The following TMEM164 variants were observed in gnomAD, a reference collection of about 807,000 sequenced individuals.
The protein encoded by TMEM164 is transmembrane protein 164, also known as RP13-360B22.2.
Under a neutral mutation model 18.8 loss-of-function variants are expected in TMEM164, and 4 were observed. The observed-to-expected ratio is 0.21, with a 90% CI of 0.10 to 0.49. The LOEUF is 0.49. Among genes scored for constraint, TMEM164 ranks in the 20% least tolerant of loss-of-function variants. TMEM164 has a pLI of 0.98. For synonymous variants in TMEM164, 86 were observed against 101.7 expected (o/e 0.85, Z 0.93); for missense variants, 108 against 239.9 (o/e 0.45, Z 3.63).
At chrX:110,044,151 G>C (rs1241446763) in intron 2 of TMEM164, among the ~76,000 whole-genome samples, 1 of 112,392 alleles carries the variant, frequency 8.9e-6, no homozygotes, top group Non-Finnish European at 1.9e-5. Flanking sequence ...GAAAATCCAT[G>C]AGCACTGGGA....
At chrX:110,179,725 C>G (rs2067316156), downstream of TMEM164, among the ~76,000 whole-genome samples, 1 of 112,128 alleles carries the variant, frequency 8.9e-6, no homozygotes, top group Non-Finnish European at 1.9e-5. Context: ...ATTTGCCTCC[C>G]TCTTACGTGA....
downstream of TMEM164, among the ~76,000 whole-genome samples, chrX:110,183,867 T>C (rs774560413): frequency 2.7e-5 from 3 of 111,317 alleles, no homozygotes; most frequent in Admixed American, 9.5e-5. Context: ...TAAAAAGGAG[T>C]GATCAAGGTC....
intron 3 of TMEM164, among the ~76,000 whole-genome samples, chrX:110,071,361 A>G (rs969200492): frequency 7.3e-5 from 8 of 109,545 alleles, no homozygotes; most frequent in African/African-American, 2.3e-4. Flanking sequence ...TTCTACATCT[A>G]TTGGTCATGT....
At chrX:110,130,674 T>C (rs940932946) in intron 4 of TMEM164, among the ~76,000 whole-genome samples, 7 of 108,971 alleles carry the variant, frequency 6.4e-5, no homozygotes, top group African/African-American at 2.3e-4. Flanking sequence ...GTTGAATACC[T>C]CTGTATCTTT....
At chrX:110,022,134 G>C (rs759366885) in intron 2 of TMEM164, among the ~76,000 whole-genome samples, 38 of 111,915 alleles carry the variant, frequency 3.4e-4, no homozygotes, top group South Asian at 7.4e-4. Context: ...CTGTAGCCAG[G>C]GTTAGGAATC....
At chrX:110,134,600 C>T (rs2066661823) in intron 4 of TMEM164, among the ~76,000 whole-genome samples, 2 of 103,997 alleles carry the variant, frequency 1.9e-5, no homozygotes. Flanking sequence ...CAGTGGCTGC[C>T]CCCCCGCTTA....
intron 4 of TMEM164, among the ~76,000 whole-genome samples, chrX:110,132,066 G>C (rs747338706): frequency 9.0e-6 from 1 of 111,542 alleles, no homozygotes; most frequent in Non-Finnish European, 1.9e-5. Flanking sequence ...AAGATGATGG[G>C]TTCTTGAGCC....
At chrX:110,110,502 A>G (rs371818517) in intron 4 of TMEM164, among the ~76,000 whole-genome samples, 6 of 112,484 alleles carry the variant, frequency 5.3e-5, no homozygotes, top group Admixed American at 9.4e-5. Flanking sequence ...GGATGAGTTC[A>G]TGATCTGTGA....
intron 2 of TMEM164, among the ~76,000 whole-genome samples, chrX:110,017,405 CCTTT>C (rs1555984532): frequency 0.011 from 171 of 15,293 alleles, 7 homozygotes; most frequent in African/African-American, 0.018. Flanking sequence ...CCACCTCCTT[CCTTT>C]CTTTCTTTCT....
chrX:110,068,893 T>C (rs2065541472), intron 3 of TMEM164, among the ~76,000 whole-genome samples: 1 of 112,061 alleles, frequency 8.9e-6, no homozygotes, highest in Non-Finnish European at 1.9e-5. Context: ...TTGTTTGTTT[T>C]ACAGAAATAG....
intron 2 of TMEM164, among the ~76,000 whole-genome samples, chrX:110,027,097 C>G (rs1934231449): frequency 9.0e-6 from 1 of 111,005 alleles, no homozygotes; most frequent in African/African-American, 3.3e-5. Context: ...CAATGTTGAG[C>G]AACTCTTATC....
intron 1 of TMEM164, 25 bp from the exon 2 acceptor site, chrX:110,003,476 T>A (rs1348956526): frequency 3.3e-5 from 8 of 242,727 alleles, no homozygotes; most frequent in Non-Finnish European, 5.1e-5. Context: ...CCTCTTTTTT[T>A]TTTTTTTCCT....
At chrX:110,155,196 G>C (rs1240259100) in intron 5 of TMEM164, among the ~76,000 whole-genome samples, 1 of 110,936 alleles carries the variant, frequency 9.0e-6, no homozygotes, top group Non-Finnish European at 1.9e-5. Context: ...CCTCCTTTGA[G>C]ACACTTGTTT....
At chrX:110,086,595 TATATGTGTATATATGTA>T (rs1178696072) in intron 3 of TMEM164, among the ~76,000 whole-genome samples, 3 of 137 alleles carry the variant, frequency 0.022, no homozygotes, top group Non-Finnish European at 0.048. Flanking sequence ...TATATATGTA[TATATGTGTATATATGTA>T]TATATGTGTA....
intron 5 of TMEM164, among the ~76,000 whole-genome samples, chrX:110,163,208 G>GT (rs1428481554): frequency 1.8e-5 from 2 of 112,031 alleles, no homozygotes; most frequent in African/African-American, 6.5e-5. Flanking sequence ...AGAGAGAACA[G>GT]TAAGAGAGAG....
intron 3 of TMEM164, among the ~76,000 whole-genome samples, chrX:110,104,773 A>G (rs1267727240): frequency 1.8e-5 from 2 of 111,890 alleles, no homozygotes; most frequent in African/African-American, 6.5e-5. Flanking sequence ...GATCTCAGTA[A>G]GGCTTCTGGT....
chrX:110,173,134 G>T lies in TMEM164; in HGVS notation c.688-111G>T, dbSNP rs192748181. The T allele has an allele frequency of 5.3e-5, 40 of 759,701 alleles. No homozygotes were observed. In the South Asian group the frequency reaches 6.1e-4, roughly 12 times the overall value. 62.6% of individuals were successfully genotyped at this position (759,701 alleles called of 1,213,427 possible). On this transcript the variant is annotated intron_variant, in intron 6 of 6. Transcript: ENST00000372068. ...ATCCCTTTATAAACAGGTGGGGATT[G>T]GTCAATCCCTCCTTGTCTAGTCCCC...
chrX:110,084,413 G>GTATAGTATATATATATAGTA lies in TMEM164; in HGVS notation c.440+17021_440+17022insGTATATATATATAGTATATA, dbSNP rs1569321001. Among the ~76,000 whole-genome samples, 62 of 8,746 alleles carry GTATAGTATATATATATAGTA rather than the reference G, an allele frequency of 7.1e-3. 2 individuals carry two copies. The highest frequency in any genetic ancestry group is 9.3e-3 in the Non-Finnish European group (35 of 3,753). The allele number at this position is 8,746 out of a possible 115,157, so 7.6% of individuals were successfully genotyped here. ...ATATAGTATAGTATATATATATAGT[G>GTATAGTATATATATATAGTA]TATATATATATAGTATAGTATATAT... On this transcript the variant is annotated intron_variant, in intron 3 of 6. Transcript: ENST00000372068.
chrX:110,098,612 T>C (rs1247845027), intron 3 of TMEM164, among the ~76,000 whole-genome samples: 1 of 111,883 alleles, frequency 8.9e-6, no homozygotes, highest in Non-Finnish European at 1.9e-5. Context: ...GCTATTGTCT[T>C]TTTTGTTGTT....
Sources: allele counts gnomAD v4.1 joint callset (sites outside exome capture counted in the v4.1 genomes callset), GRCh38; gene constraint gnomAD v4.1.1; transcripts MANE v1.5; gene names NCBI Gene and HGNC (gene_info 2026-07-23, HGNC 2026-07-21).